The following KHDRBS2 variants were observed in gnomAD, a reference collection of about 807,000 sequenced individuals.
KHDRBS2 encodes the protein KH RNA binding domain containing, signal transduction associated 2.
KHDRBS2 carries 26 observed loss-of-function variants against 44.3 expected under a neutral mutation model. That is an observed-to-expected ratio of 0.59 (90% CI 0.43 to 0.81). The LOEUF is 0.81. Ranked by LOEUF, KHDRBS2 falls within the 40% of genes least tolerant of loss-of-function variation. The probability of loss-of-function intolerance (pLI) is 0.00; values close to 1 mark genes in which losing one functional copy is unlikely to be tolerated. For synonymous variants in KHDRBS2, 194 were observed against 151.1 expected, an observed-to-expected ratio of 1.28 and a Z score of -2.08; for missense variants, 476 against 433.1, an observed-to-expected ratio of 1.10 and a Z score of -0.88.
chr6:61,851,420 C>A (rs1193343206), intron 6 of KHDRBS2, among the ~76,000 whole-genome samples: 1 of 151,946 alleles, frequency 6.6e-6, no homozygotes, highest in Non-Finnish European at 1.5e-5. Flanking sequence ...AATTCCTAAC[C>A]CCCAGTACCT....
chr6:62,061,541 C>T (rs1218868751), intron 2 of KHDRBS2, among the ~76,000 whole-genome samples: 1 of 148,532 alleles, frequency 6.7e-6, no homozygotes, highest in African/African-American at 2.5e-5. Context: ...GCCAAGAGAT[C>T]CGCTGTTAGT....
the KHDRBS2 span, among the ~76,000 whole-genome samples, chr6:61,671,261 A>G: frequency 6.6e-6 from 1 of 151,704 alleles, no homozygotes; most frequent in African/African-American, 2.4e-5. Flanking sequence ...CTGGGTATAG[A>G]TCCTTCACTA....
the KHDRBS2 span, among the ~76,000 whole-genome samples, chr6:61,579,137 T>C: frequency 2.0e-5 from 3 of 152,256 alleles, no homozygotes; most frequent in Admixed American, 6.5e-5. Flanking sequence ...CATTAGCTAT[T>C]GATAGAAACC....
At chr6:61,786,421 T>A (rs1196657264) in intron 6 of KHDRBS2, among the ~76,000 whole-genome samples, 1 of 152,042 alleles carries the variant, frequency 6.6e-6, no homozygotes, top group Non-Finnish European at 1.5e-5. Flanking sequence ...AATTAACACA[T>A]GTTCATTGGA....
the KHDRBS2 span, among the ~76,000 whole-genome samples, chr6:61,548,697 G>A: frequency 6.6e-6 from 1 of 152,038 alleles, no homozygotes; most frequent in African/African-American, 2.4e-5. Context: ...ACTAGATAGA[G>A]ATTGAAAAAC....
At chr6:61,831,075 C>T (rs1282862394) in intron 6 of KHDRBS2, among the ~76,000 whole-genome samples, 1 of 152,076 alleles carries the variant, frequency 6.6e-6, no homozygotes, top group Non-Finnish European at 1.5e-5. Context: ...TAAAAATGCA[C>T]TGAACATAAT....
At chr6:61,903,333 G>A (rs1457462627) in intron 4 of KHDRBS2, among the ~76,000 whole-genome samples, 1 of 152,130 alleles carries the variant, frequency 6.6e-6, no homozygotes, top group Non-Finnish European at 1.5e-5. Context: ...TGTAGGAAGA[G>A]ATGGATTGTC....
chr6:62,065,108 G>C (rs902871711), intron 2 of KHDRBS2, among the ~76,000 whole-genome samples: 1 of 151,896 alleles, frequency 6.6e-6, no homozygotes, highest in Non-Finnish European at 1.5e-5. Context: ...AGTTAGAATG[G>C]CAATCATTAA....
intron 4 of KHDRBS2, among the ~76,000 whole-genome samples, chr6:61,961,241 TAGTC>T (rs1442367558): frequency 6.6e-6 from 1 of 152,044 alleles, no homozygotes; most frequent in Non-Finnish European, 1.5e-5. Context: ...TCTCTAATGA[TAGTC>T]AATGAATAAA....
chr6:61,850,769 A>G (rs762317024), intron 6 of KHDRBS2, among the ~76,000 whole-genome samples: 6 of 152,196 alleles, frequency 3.9e-5, no homozygotes, highest in Non-Finnish European at 7.4e-5. Flanking sequence ...GGCTGAGGCA[A>G]TACCTTTGAA....
intron 1 of KHDRBS2, among the ~76,000 whole-genome samples, chr6:62,191,789 CTT>C (rs1824675896): frequency 6.6e-6 from 1 of 152,042 alleles, no homozygotes; most frequent in Non-Finnish European, 1.5e-5. Flanking sequence ...TGGTACTAAA[CTT>C]TAAAATTCAT....
intron 6 of KHDRBS2, among the ~76,000 whole-genome samples, chr6:61,819,118 C>A (rs1200518336): frequency 6.6e-6 from 1 of 151,484 alleles, no homozygotes. Context: ...TATCTTAATG[C>A]ATTTTAACCA....
intron 2 of KHDRBS2, among the ~76,000 whole-genome samples, chr6:62,097,519 T>C (rs1167632154): frequency 6.6e-6 from 1 of 152,114 alleles, no homozygotes; most frequent in South Asian, 2.1e-4. Flanking sequence ...ATTTAGAGTA[T>C]ATTTTATCTA....
intron 6 of KHDRBS2, among the ~76,000 whole-genome samples, chr6:61,801,338 T>A (rs1786238238): frequency 1.3e-5 from 2 of 152,096 alleles, no homozygotes; most frequent in African/African-American, 4.8e-5. Flanking sequence ...AAAATGGTGC[T>A]AAAAGCATAC....
At chr6:61,943,984 A>C (rs142590803) in intron 4 of KHDRBS2, among the ~76,000 whole-genome samples, 1 of 152,186 alleles carries the variant, frequency 6.6e-6, no homozygotes, top group Non-Finnish European at 1.5e-5. Context: ...TAGAATAGCT[A>C]TTATGAAAAA....
chr6:62,077,159 C>T (rs553477084), intron 2 of KHDRBS2, among the ~76,000 whole-genome samples: 1 of 151,984 alleles, frequency 6.6e-6, no homozygotes, highest in African/African-American at 2.4e-5. Context: ...AAGAAAAATG[C>T]TGCATTTGAC....
rs184700928 is a variant in KHDRBS2 at position 62,106,341 on chromosome 6, T to C, written c.220-58347A>G. 1.8e-3 allele frequency among the ~76,000 whole-genome samples: 274 copies of C among 152,286 alleles called. 9 individuals are homozygous for C. In the South Asian group the frequency reaches 0.052, roughly 29 times the overall value. On this transcript the variant is annotated intron_variant, in intron 2 of 8. Coordinates refer to ENST00000281156, the MANE Select transcript of KHDRBS2 (RefSeq NM_152688.4). The stretch of plus-strand genomic sequence containing the variant: ...TCAATTCCAGGGGATCCTTGTTAAC[T>C]TTCTGTCTCGCTGATCGGTCTAATG...
chr6:61,636,991 C>A, the KHDRBS2 span, among the ~76,000 whole-genome samples: 1 of 151,924 alleles, frequency 6.6e-6, no homozygotes, highest in African/African-American at 2.4e-5. Context: ...AAGACACTAA[C>A]CAATAAAGCT....
chr6:62,174,247 T>C (rs972566787), intron 2 of KHDRBS2, among the ~76,000 whole-genome samples: 1 of 151,634 alleles, frequency 6.6e-6, no homozygotes, highest in African/African-American at 2.4e-5. Flanking sequence ...AAATCAGTAG[T>C]AGCATTTCTA....
Sources: gnomAD v4.1 joint callset for allele counts (sites outside exome capture counted in the v4.1 genomes callset) on GRCh38, gnomAD v4.1.1 for gene constraint, MANE v1.5 for transcripts, NCBI Gene and HGNC (gene_info 2026-07-23, HGNC 2026-07-21) for gene names.